Variants in GLI3 observed in about 807,000 individuals in gnomAD.
The protein encoded by GLI3 is transcription activator GLI3.
In GLI3, 20 loss-of-function variants were observed where a neutral mutation model predicts 100.8. The ratio of observed to expected loss-of-function variants is 0.20; its 90% confidence interval spans 0.14 to 0.29. The LOEUF is 0.29. Ranked by LOEUF, GLI3 falls within the 10% of genes least tolerant of loss-of-function variation. GLI3 has a pLI of 1.00. For synonymous variants in GLI3, 938 were observed against 860.5 expected, an observed-to-expected ratio of 1.09 and a Z score of -1.58; for missense variants, 2,040 against 2,128.5, an observed-to-expected ratio of 0.96 and a Z score of 0.82.
chr7:41,966,308 G>C lies in GLI3; in HGVS notation c.2765C>G (p.Thr922Arg). The C allele has an allele frequency of 6.2e-7, 1 of 1,607,820 alleles. No individual in the cohort carries two copies. Among genetic ancestry groups the C allele is most frequent in the Non-Finnish European group, 8.5e-7 (1 of 1,179,190 alleles). The part of the protein sequence containing the change: ...SDGLPSLLSL[T>R]PAQQYRLKAK... ...CTTGAGGCGGTACTGCTGGGCGGGC[G>C]TGAGGCTGAGCAGGCTGGGCAGGCC... The change falls in exon 15 of 15, where the codon ACG becomes AGG. Residue 922 changes from threonine to arginine, a missense_variant. Physicochemically the swap from Thr to Arg is moderately conservative, Grantham distance 71 (BLOSUM62 -1). This residue lies in a region of GLI3 where 1,041 missense variants were observed against 924.0 expected (regional missense o/e 1.13). Transcript: ENST00000395925. This position sits in a 1 kb window ranked among gnomAD's most constrained non-coding sequence, Gnocchi z 5.8.
At chr7:42,099,270 T>C (rs1011677259) in intron 3 of GLI3, among the ~76,000 whole-genome samples, 2 of 152,182 alleles carry the variant, frequency 1.3e-5, no homozygotes, top group Non-Finnish European at 2.9e-5. Context: ...AGGTTTCACA[T>C]TCTCCCAATA....
chr7:42,109,720 G>C (rs959892991), intron 3 of GLI3, among the ~76,000 whole-genome samples: 4 of 152,188 alleles, frequency 2.6e-5, no homozygotes, highest in African/African-American at 9.6e-5. Context: ...CAACAAATAA[G>C]ATGAAGAGAC....
intron 3 of GLI3, chr7:42,113,283 G>C: frequency 1.8e-6 from 1 of 565,484 alleles, no homozygotes; most frequent in Non-Finnish European, 3.3e-6. Context: ...GAAGAGGCGA[G>C]AACGACCCCC....
chr7:42,077,940 A>G (rs1231972308), intron 3 of GLI3, among the ~76,000 whole-genome samples: 1 of 152,200 alleles, frequency 6.6e-6, no homozygotes, highest in East Asian at 1.9e-4. Flanking sequence ...ACGGGTCCAC[A>G]CTGGTCATGC....
At chr7:42,059,872 G>A (rs1472248943) in intron 4 of GLI3, among the ~76,000 whole-genome samples, 2 of 152,226 alleles carry the variant, frequency 1.3e-5, no homozygotes, top group Admixed American at 6.5e-5. Context: ...CTCCAGTGGA[G>A]CAGGCCACGG....
At chr7:41,990,122 T>TACACACAC (rs3138802) in intron 10 of GLI3, among the ~76,000 whole-genome samples, 1,998 of 148,944 alleles carry the variant, frequency 0.013, 37 homozygotes, top group East Asian at 0.08. Flanking sequence ...AATGCTTGCT[T>TACACACAC]ACACACACAC....
At chr7:42,162,703 T>C (rs575202213) in intron 2 of GLI3, among the ~76,000 whole-genome samples, 1 of 152,176 alleles carries the variant, frequency 6.6e-6, no homozygotes, top group South Asian at 2.1e-4. Flanking sequence ...AAAATAAAAA[T>C]CTTAGTATGG....
At chr7:42,025,900 T>C (rs779660648) in intron 8 of GLI3, among the ~76,000 whole-genome samples, 1 of 152,228 alleles carries the variant, frequency 6.6e-6, no homozygotes, top group Non-Finnish European at 1.5e-5. Context: ...TGCATCCACA[T>C]GCTGCACTGA....
chr7:42,229,815 G>A (rs1366260227), intron 1 of GLI3, among the ~76,000 whole-genome samples: 1 of 151,932 alleles, frequency 6.6e-6, no homozygotes, highest in Non-Finnish European at 1.5e-5. Context: ...ATGTTGATTT[G>A]AACTTTTTGA....
intron 3 of GLI3, chr7:42,145,711 G>C (rs1228933887): frequency 7.5e-6 from 3 of 397,718 alleles, no homozygotes; most frequent in Admixed American, 4.4e-5. Context: ...ACATATTGAT[G>C]ATGATGAGGA....
At chr7:42,036,054 A>G (rs1295074281) in intron 7 of GLI3, among the ~76,000 whole-genome samples, 1 of 152,240 alleles carries the variant, frequency 6.6e-6, no homozygotes, top group Non-Finnish European at 1.5e-5. Flanking sequence ...AAGTACTGTT[A>G]TAATATGTCA....
At chr7:42,239,123 C>CTAGT (rs1006319122), upstream of GLI3, among the ~76,000 whole-genome samples, 1 of 152,210 alleles carries the variant, frequency 6.6e-6, no homozygotes, top group Non-Finnish European at 1.5e-5. Flanking sequence ...GCTAAAGGCC[C>CTAGT]TAGTTAGCCA....
In GLI3 at chr7:41,972,591, G is replaced by A. The variant is rs532044840; in HGVS notation, c.1849C>T (p.Arg617Cys). Residue 617 changes from arginine (R) to cysteine (C), a missense_variant, in exon 13 of 15, where the codon CGT becomes TGT. Around this residue, in one of 5 missense-constraint regions of GLI3, gnomAD observed 61 missense variants for 150.9 expected, o/e 0.40. Transcript: ENST00000395925. This position sits in a 1 kb window ranked among gnomAD's most constrained non-coding sequence, Gnocchi z 4.4. ...YVCKIPGCTK[R>C]YTDPSSLRKH... ...CGGAGGGAGCTTGGGTCTGTGTAAC[G>A]CTTAGTGCAGCCTGGGATTTTGCAC... The A allele has an allele frequency of 7.5e-6, 12 of 1,607,770 alleles. No individual in the cohort carries two copies. The highest frequency in any genetic ancestry group is 3.3e-5 in the South Asian group (3 of 91,068).
At chr7:42,003,704 T>C (rs1242567260) in intron 10 of GLI3, among the ~76,000 whole-genome samples, 1 of 152,202 alleles carries the variant, frequency 6.6e-6, no homozygotes, top group East Asian at 1.9e-4. Context: ...AGGATTTTAT[T>C]CTCAAAAGGC....
At chr7:42,002,082 A>G (rs1200204440) in intron 10 of GLI3, among the ~76,000 whole-genome samples, 2 of 144,958 alleles carry the variant, frequency 1.4e-5, no homozygotes, top group African/African-American at 5.3e-5. Context: ...ACACACGCAC[A>G]CACACACACG....
In GLI3 at chr7:42,006,402, G is replaced by A. The variant is rs112871792; in HGVS notation, c.1497+17066C>T. Reference sequence around the variant, plus strand: ...GAGACAACTGTCCCTGGGCCACCACGTGCTGGCAGAGAACTCTGAGGAGTC... The same window carrying A: ...GAGACAACTGTCCCTGGGCCACCACATGCTGGCAGAGAACTCTGAGGAGTC... On this transcript the variant is annotated intron_variant, in intron 10 of 14. Transcript: ENST00000395925. 3.9e-5 allele frequency among the ~76,000 whole-genome samples: 6 copies of A among 152,340 alleles called. No homozygotes were observed. The East Asian group carries it at 5.8e-4, about 15-fold the overall frequency.
chr7:42,254,035 C>A (rs1789060196), intron 1 of GLI3, among the ~76,000 whole-genome samples: 1 of 152,172 alleles, frequency 6.6e-6, no homozygotes, highest in Non-Finnish European at 1.5e-5. Context: ...GCCTGACCAA[C>A]ATGGTGAAAC....
intron 1 of GLI3, among the ~76,000 whole-genome samples, chr7:42,258,122 G>A (rs186136142): frequency 4.6e-5 from 7 of 152,232 alleles, no homozygotes; most frequent in East Asian, 1.9e-4. Flanking sequence ...ATTAATGTGC[G>A]TCTCTCCAAC....
At chr7:42,052,630 A>T (rs1784374386) in intron 4 of GLI3, among the ~76,000 whole-genome samples, 1 of 152,136 alleles carries the variant, frequency 6.6e-6, no homozygotes, top group Non-Finnish European at 1.5e-5. Flanking sequence ...GGTTGTTGAT[A>T]TTCTTGTAGA....
Sources: gnomAD v4.1 joint callset for allele counts (sites outside exome capture counted in the v4.1 genomes callset) on GRCh38, gnomAD v4.1.1 for gene constraint, gnomAD v4.1.1 regional missense constraint, Gnocchi (gnomAD v3.1) non-coding constraint, MANE v1.5 for transcripts, NCBI Gene and HGNC (gene_info 2026-07-23, HGNC 2026-07-21) for gene names.